The following TMBIM4 variants were observed in gnomAD, a reference collection of about 807,000 sequenced individuals.
The protein encoded by TMBIM4 is protein lifeguard 4.
TMBIM4 carries 28 observed loss-of-function variants against 27.7 expected under a neutral mutation model. That is an observed-to-expected ratio of 1.01 (90% CI 0.75 to 1.38). The LOEUF (loss-of-function observed/expected upper bound fraction) is 1.38, where lower values mean the gene tolerates loss of function less well. Ranked by LOEUF, TMBIM4 falls within the 40% of genes most tolerant of loss-of-function variation. TMBIM4 has a pLI of 0.00. For synonymous variants in TMBIM4, 115 were observed against 113.1 expected (o/e 1.02, Z -0.11); for missense variants, 265 against 277.5 (o/e 0.95, Z 0.32).
chr12:66,153,814 A>G (rs1280889685), intron 1 of TMBIM4, among the ~76,000 whole-genome samples: 1 of 151,870 alleles, frequency 6.6e-6, no homozygotes, highest in Non-Finnish European at 1.5e-5. Flanking sequence ...GAATCTGAAA[A>G]GGAGAAATAG....
intron 3 of TMBIM4, among the ~76,000 whole-genome samples, chr12:66,150,312 T>C (rs187172245): frequency 2.0e-5 from 3 of 152,266 alleles, no homozygotes; most frequent in African/African-American, 7.2e-5. Context: ...ATATATTGAC[T>C]AACAGCCTAC....
At chr12:66,151,170 C>CG (rs58458000) in intron 3 of TMBIM4, among the ~76,000 whole-genome samples, 78,238 of 152,036 alleles carry the variant, frequency 0.51, 21,574 homozygotes, top group East Asian at 0.85. Context: ...AATTCATAAA[C>CG]TTTTTAGTTT....
chr12:66,151,915 T>G (rs1365470144), intron 3 of TMBIM4, among the ~76,000 whole-genome samples: 1 of 152,182 alleles, frequency 6.6e-6, no homozygotes, highest in Non-Finnish European at 1.5e-5. Context: ...AAGAAAATAA[T>G]AGAATATTAG....
chr12:66,154,513 G>A (rs1592546688), intron 1 of TMBIM4, among the ~76,000 whole-genome samples: 1 of 152,272 alleles, frequency 6.6e-6, no homozygotes, highest in African/African-American at 2.4e-5. Flanking sequence ...TCAGGGAAGA[G>A]AAAAAGTATT....
At chr12:66,141,264 A>G (rs2051663969) in intron 5 of TMBIM4, among the ~76,000 whole-genome samples, 1 of 152,052 alleles carries the variant, frequency 6.6e-6, no homozygotes, top group South Asian at 2.1e-4. Context: ...TAGTGCAAAA[A>G]TAATAATGTA....
intron 1 of TMBIM4, chr12:66,160,454 G>T: frequency 1.8e-6 from 1 of 555,834 alleles, no homozygotes; most frequent in Non-Finnish European, 3.2e-6. Flanking sequence ...TAAAAAAAAG[G>T]TAACAATCAT....
chr12:66,149,853 T>C (rs1207810919), intron 3 of TMBIM4, among the ~76,000 whole-genome samples: 1 of 149,222 alleles, frequency 6.7e-6, no homozygotes, highest in African/African-American at 2.5e-5. Context: ...TTGAGGACTA[T>C]CTATCTATCT....
chr12:66,150,190 A>G (rs2051821486), intron 3 of TMBIM4, among the ~76,000 whole-genome samples: 1 of 152,116 alleles, frequency 6.6e-6, no homozygotes, highest in Non-Finnish European at 1.5e-5. Context: ...AGGAGGCTAC[A>G]TGTAGATGCG....
chr12:66,169,731 C>T, intron 1 of TMBIM4, 124 bp downstream of exon 1: 1 of 692,300 alleles, frequency 1.4e-6, no homozygotes, highest in Non-Finnish European at 2.2e-6. Flanking sequence ...GGGCCGGGAG[C>T]TCAGTGAGCA....
intron 1 of TMBIM4, among the ~76,000 whole-genome samples, chr12:66,154,290 T>A (rs530248346): frequency 8.5e-5 from 13 of 152,282 alleles, no homozygotes; most frequent in Admixed American, 3.3e-4. Context: ...ACCCTAAACA[T>A]ACCATTAATC....
chr12:66,166,464 C>CAAAAAAAAAAAAAA (rs59822799), intron 1 of TMBIM4, among the ~76,000 whole-genome samples: 17 of 100,676 alleles, frequency 1.7e-4, no homozygotes, highest in African/African-American at 5.6e-4. Flanking sequence ...TACTTTGTCT[C>CAAAAAAAAAAAAAA]AAAAAAAAAA....
intron 5 of TMBIM4, among the ~76,000 whole-genome samples, chr12:66,143,139 G>A (rs941553944): frequency 6.6e-6 from 1 of 152,134 alleles, no homozygotes; most frequent in African/African-American, 2.4e-5. Context: ...ACTGTAACAG[G>A]TAAAGATTTG....
At chr12:66,159,295 G>T (rs2136877009) in intron 1 of TMBIM4, among the ~76,000 whole-genome samples, 1 of 152,336 alleles carries the variant, frequency 6.6e-6, no homozygotes, top group South Asian at 2.1e-4. Flanking sequence ...TCCAGAGGAA[G>T]TCAGCTGCCA....
chr12:66,149,444 CA>C (rs61425460), intron 3 of TMBIM4, among the ~76,000 whole-genome samples: 200 of 74,468 alleles, frequency 2.7e-3, no homozygotes, highest in South Asian at 7.3e-3. Context: ...GACCCTGTCT[CA>C]AAAAAAAAAA....
intron 5 of TMBIM4, among the ~76,000 whole-genome samples, chr12:66,145,121 C>T (rs2141709): frequency 0.3 from 44,894 of 152,004 alleles, 7,177 homozygotes; most frequent in South Asian, 0.4. Flanking sequence ...AAGCAGCTCG[C>T]GCAATTGTCA....
intron 1 of TMBIM4, among the ~76,000 whole-genome samples, chr12:66,157,423 G>A (rs796933238): frequency 1.1e-4 from 17 of 152,184 alleles, no homozygotes; most frequent in African/African-American, 3.9e-4. Context: ...CACAACCTAG[G>A]ACAAACTCTA....
Position 66,138,185 on chromosome 12 carries a change from A to G in TMBIM4, c.511-19T>C, listed in dbSNP as rs774630416. ...AAAAAAACTATAGGGAAGAGATTAA[A>G]GAAATATGTTTATATTTGAGAACAG... On this transcript the variant is annotated intron_variant, in intron 6 of 6. Transcript: ENST00000358230. The G allele has an allele frequency of 2.8e-5, 45 of 1,600,004 alleles. No individual in the cohort carries two copies. In the East Asian group the frequency reaches 9.9e-4, roughly 35 times the overall value.
chr12:66,162,077 TA>T (rs11438402), intron 1 of TMBIM4, among the ~76,000 whole-genome samples: 61 of 148,048 alleles, frequency 4.1e-4, no homozygotes, highest in African/African-American at 8.2e-4. Flanking sequence ...CCAACATCAC[TA>T]AAAAAAAAAG....
intron 1 of TMBIM4, among the ~76,000 whole-genome samples, chr12:66,157,953 A>G (rs929686169): frequency 2.6e-5 from 4 of 152,172 alleles, no homozygotes; most frequent in South Asian, 2.1e-4. Context: ...TGGGCCAGGC[A>G]TGGTGGCTCA....
Sources: gnomAD v4.1 joint callset for allele counts (sites outside exome capture counted in the v4.1 genomes callset) on GRCh38, gnomAD v4.1.1 for gene constraint, MANE v1.5 for transcripts, NCBI Gene and HGNC (gene_info 2026-07-23, HGNC 2026-07-21) for gene names.